CKAP5: variants seen among roughly 807,000 people sequenced by gnomAD.
CKAP5 encodes the protein cytoskeleton-associated protein 5.
CKAP5 carries 27 observed loss-of-function variants against 232.8 expected under a neutral mutation model. That is an observed-to-expected ratio of 0.12 (90% confidence interval 0.09 to 0.16). The LOEUF is 0.16. Ranked by LOEUF, CKAP5 falls within the 10% of genes least tolerant of loss-of-function variation. CKAP5 has a pLI of 1.00. For synonymous variants in CKAP5, 785 were observed against 841.1 expected (o/e 0.93, Z 1.16); for missense variants, 1,838 against 2,424.7 (o/e 0.76, Z 5.08).
Position 46,763,143 on chromosome 11 carries a change from G to A in CKAP5, c.3724C>T (p.Leu1242=). The change falls in exon 30 of 44, where the codon CTG becomes TTG. Residue 1242 remains leucine (L), a synonymous_variant. Transcript: ENST00000529230. ...ESEKEGVIGC[L]DLILKWLTLR... ...GTAAGCCACTTTAAGATAAGATCCA[G>A]GCAACCAATAACTCCTTCTTTTTCA... The A allele has an allele frequency of 6.2e-7, 1 of 1,613,776 alleles. No individual in the cohort carries two copies.
chr11:46,746,491 A>G (rs11604876), intron 42 of CKAP5, among the ~76,000 whole-genome samples: 21,233 of 152,250 alleles, frequency 0.14, 2,484 homozygotes, highest in East Asian at 0.61. Context: ...GTGAACACCT[A>G]GTTGGTATAA....
chr11:46,834,198 C>A (rs185699919), intron 1 of CKAP5, among the ~76,000 whole-genome samples: 3 of 151,998 alleles, frequency 2.0e-5, no homozygotes, highest in Admixed American at 6.6e-5. Flanking sequence ...CTTAAACAAA[C>A]CTATATTTCA....
chr11:46,821,035 G>A (rs1373908380), intron 2 of CKAP5, 140 bp downstream of exon 2: 2 of 584,006 alleles, frequency 3.4e-6, no homozygotes, highest in African/African-American at 1.9e-5. Flanking sequence ...TATTTTCAAT[G>A]AGAAAAAATA....
chr11:46,781,778 AT>A (rs1282533514), intron 18 of CKAP5, among the ~76,000 whole-genome samples: 1 of 152,124 alleles, frequency 6.6e-6, no homozygotes, highest in African/African-American at 2.4e-5. Context: ...ACATTATTCC[AT>A]TTAACCCTTC....
intron 24 of CKAP5, 90 bp downstream of exon 24, chr11:46,776,165 T>A: frequency 2.8e-6 from 3 of 1,071,520 alleles, no homozygotes; most frequent in Non-Finnish European, 3.9e-6. Context: ...AAACTCATTC[T>A]AACCATAAAT....
intron 2 of CKAP5, 65 bp from the exon 3 acceptor site, chr11:46,818,568 TG>T (rs67178247): frequency 0.61 from 622,237 of 1,014,944 alleles, 203,249 homozygotes; most frequent in South Asian, 0.66. Context: ...ACTATTAATC[TG>T]GGGGGGGAGG....
chr11:46,810,270 C>T (rs564684365), intron 5 of CKAP5, among the ~76,000 whole-genome samples: 1 of 152,176 alleles, frequency 6.6e-6, no homozygotes, highest in East Asian at 1.9e-4. Context: ...CCGTGCCTGG[C>T]CTCTAATTTC....
At position 46,830,921 on chromosome 11, in the gene CKAP5, C is replaced by T. The variant is rs1363358228; in HGVS notation, c.-37-9653G>A. Among the ~76,000 whole-genome samples, 2 of 151,934 alleles carry T rather than the reference C, an allele frequency of 1.3e-5. 1 individual carries two copies. Among genetic ancestry groups the T allele is most frequent in the South Asian group, 4.1e-4 (2 of 4,820 alleles). ...CTACTAAAAATACAAAAAAATTAGC[C>T]GGGCATGGTGGCGGGTGCCTGTAGT... On this transcript the variant is annotated intron_variant, in intron 1 of 43. Transcript: ENST00000529230.
chr11:46,804,194 G>A (rs796668667), intron 8 of CKAP5, among the ~76,000 whole-genome samples: 30 of 152,262 alleles, frequency 2.0e-4, no homozygotes, highest in African/African-American at 6.5e-4. Context: ...AAGATACTGC[G>A]AATCTGTTAA....
At chr11:46,799,809 G>C (rs955626361) in intron 9 of CKAP5, among the ~76,000 whole-genome samples, 4 of 152,092 alleles carry the variant, frequency 2.6e-5, no homozygotes, top group African/African-American at 4.8e-5. Flanking sequence ...GACCAGCCTG[G>C]GCAAGGTGGC....
At chr11:46,781,218 C>T (rs954684652) in intron 18 of CKAP5, among the ~76,000 whole-genome samples, 1 of 152,190 alleles carries the variant, frequency 6.6e-6, no homozygotes. Flanking sequence ...CTATCCTTGA[C>T]TTTTTGAAGT....
chr11:46,845,166 A>G (rs1415587277), intron 1 of CKAP5, among the ~76,000 whole-genome samples: 3 of 152,208 alleles, frequency 2.0e-5, no homozygotes, highest in Non-Finnish European at 2.9e-5. Context: ...AGGTCAAAAG[A>G]AGGACTTTTC....
chr11:46,769,070 C>T (rs1438021815), intron 26 of CKAP5, among the ~76,000 whole-genome samples: 2 of 152,084 alleles, frequency 1.3e-5, no homozygotes, highest in African/African-American at 2.4e-5. Context: ...CAGGTATGCA[C>T]CACCACACCC....
At chr11:46,750,668 C>T (rs2065056914) in intron 40 of CKAP5, 57 bp from the exon 41 acceptor site, 1 of 1,345,958 alleles carries the variant, frequency 7.4e-7, no homozygotes, top group African/African-American at 1.4e-5. Context: ...TAATTAGGAA[C>T]TGATGGTTGG....
intron 43 of CKAP5, 79 bp from the exon 44 acceptor site, chr11:46,744,344 A>T (rs2065006933): frequency 6.2e-7 from 1 of 1,612,618 alleles, no homozygotes; most frequent in Non-Finnish European, 8.5e-7. Context: ...AGCAAGACTA[A>T]GCCACTTCTC....
At chr11:46,768,081 T>TA (rs2065218196) in intron 26 of CKAP5, among the ~76,000 whole-genome samples, 1 of 151,880 alleles carries the variant, frequency 6.6e-6, no homozygotes, top group African/African-American at 2.4e-5. Flanking sequence ...CAGGCGTGAG[T>TA]CACTGTGCCT....
In CKAP5 at chr11:46,766,642, C is replaced by T. The variant is rs534825921; in HGVS notation, c.3411+933G>A. On this transcript the variant is annotated intron_variant, in intron 27 of 43. Transcript: ENST00000529230. ...TTTAGACTTACTATTAGATTCATTA[C>T]CCATTGCACAGTTTTGCAATTTTCC... Among the ~76,000 whole-genome samples, 6 of 150,660 alleles carry T rather than the reference C, an allele frequency of 4.0e-5. No homozygotes were observed. The East Asian group carries it at 5.8e-4, about 15-fold the overall frequency.
intron 9 of CKAP5, among the ~76,000 whole-genome samples, chr11:46,800,592 T>C (rs1404075584): frequency 6.6e-6 from 1 of 151,432 alleles, no homozygotes; most frequent in East Asian, 1.9e-4. Flanking sequence ...TAATTAAAAT[T>C]ATTACCAAAT....
chr11:46,842,309 G>A (rs1010009278), intron 1 of CKAP5, among the ~76,000 whole-genome samples: 2 of 152,332 alleles, frequency 1.3e-5, no homozygotes, highest in South Asian at 2.1e-4. Flanking sequence ...AGTATCATAA[G>A]CTTCCTGAAG....
Sources: allele counts gnomAD v4.1 joint callset (sites outside exome capture counted in the v4.1 genomes callset), GRCh38; gene constraint gnomAD v4.1.1; transcripts MANE v1.5; gene names NCBI Gene and HGNC (gene_info 2026-07-23, HGNC 2026-07-21).